AP3B1: variants seen among roughly 807,000 people sequenced by gnomAD.
AP3B1 encodes adaptor related protein complex 3 subunit beta 1.
Under a neutral mutation model 132.5 loss-of-function variants are expected in AP3B1, and 61 were observed. The observed-to-expected ratio is 0.46, with a 90% confidence interval of 0.37 to 0.57. AP3B1 has a LOEUF of 0.57. Among genes scored for constraint, AP3B1 ranks in the 20% least tolerant of loss-of-function variants. The pLI, the probability that AP3B1 is intolerant of heterozygous loss-of-function variation, is 0.00. For synonymous variants in AP3B1, 388 were observed against 438.3 expected, an observed-to-expected ratio of 0.89 and a Z score of 1.43; for missense variants, 1,120 against 1,289.4, an observed-to-expected ratio of 0.87 and a Z score of 2.01.
chr5:78,135,760 C>T (rs1752885289), intron 15 of AP3B1, among the ~76,000 whole-genome samples: 1 of 152,006 alleles, frequency 6.6e-6, no homozygotes, highest in Non-Finnish European at 1.5e-5. Context: ...TCAAAAGCAT[C>T]TTTTATTCAT....
intron 22 of AP3B1, among the ~76,000 whole-genome samples, chr5:78,063,636 T>C (rs1028708572): frequency 6.6e-6 from 1 of 152,228 alleles, no homozygotes; most frequent in East Asian, 1.9e-4. Flanking sequence ...AAATAGTATA[T>C]GGCCTCAATC....
intron 11 of AP3B1, among the ~76,000 whole-genome samples, chr5:78,166,137 A>T (rs1338291467): frequency 5.1e-4 from 72 of 142,020 alleles, no homozygotes; most frequent in African/African-American, 1.8e-3. Flanking sequence ...ACACACACAC[A>T]CACACACACA....
chr5:78,053,714 C>T (rs1419638102), intron 22 of AP3B1, among the ~76,000 whole-genome samples: 1 of 146,626 alleles, frequency 6.8e-6, no homozygotes, highest in African/African-American at 2.5e-5. Context: ...AAAGAAAAGT[C>T]CCCCTCAGGT....
chr5:78,192,336 C>A (rs1433088826), intron 7 of AP3B1, among the ~76,000 whole-genome samples: 2 of 151,848 alleles, frequency 1.3e-5, no homozygotes, highest in Admixed American at 6.6e-5. Flanking sequence ...TCTGCCCTCC[C>A]ACAAATTCAT....
intron 22 of AP3B1, among the ~76,000 whole-genome samples, chr5:78,062,402 AAAGT>A (rs1749097155): frequency 1.3e-5 from 2 of 152,234 alleles, no homozygotes; most frequent in Admixed American, 1.3e-4. Flanking sequence ...AGTAGCTCAA[AAAGT>A]AATTAAAATT....
At chr5:78,073,626 G>A (rs1191245977) in intron 22 of AP3B1, among the ~76,000 whole-genome samples, 2 of 151,780 alleles carry the variant, frequency 1.3e-5, no homozygotes, top group Admixed American at 6.6e-5. Flanking sequence ...TATTTTCACC[G>A]AAGATGACAA....
At chr5:78,111,568 G>C (rs1751592840) in intron 19 of AP3B1, among the ~76,000 whole-genome samples, 1 of 152,158 alleles carries the variant, frequency 6.6e-6, no homozygotes. Flanking sequence ...CCTGGAGAAA[G>C]AGACATATAA....
intron 20 of AP3B1, chr5:78,101,305 A>C (rs1751113161): frequency 4.4e-6 from 2 of 456,480 alleles, no homozygotes; most frequent in South Asian, 1.8e-5. Flanking sequence ...CAATCGGACA[A>C]CTTCTTGCTA....
At chr5:78,193,592 T>C (rs1412240015) in intron 7 of AP3B1, among the ~76,000 whole-genome samples, 2 of 150,400 alleles carry the variant, frequency 1.3e-5, no homozygotes, top group Non-Finnish European at 3.0e-5. Context: ...TGAAAGTTTT[T>C]AGAAATATTC....
chr5:78,109,818 T>C (rs575497758), intron 20 of AP3B1, among the ~76,000 whole-genome samples: 1 of 152,310 alleles, frequency 6.6e-6, no homozygotes, highest in South Asian at 2.1e-4. Context: ...ATGTATACTC[T>C]TTAATTGAAG....
intron 1 of AP3B1, among the ~76,000 whole-genome samples, chr5:78,271,965 T>C (rs1748563660): frequency 6.6e-6 from 1 of 152,198 alleles, no homozygotes; most frequent in Non-Finnish European, 1.5e-5. Context: ...CCTTCCAGGC[T>C]CTAACAATTC....
chr5:78,226,438 C>T (rs1746402703), intron 5 of AP3B1, among the ~76,000 whole-genome samples: 1 of 151,996 alleles, frequency 6.6e-6, no homozygotes, highest in East Asian at 1.9e-4. Flanking sequence ...ACTACCAATC[C>T]CATCTCATTA....
chr5:78,014,998 G>T (rs956138662), intron 26 of AP3B1, among the ~76,000 whole-genome samples: 10 of 152,086 alleles, frequency 6.6e-5, no homozygotes, highest in Non-Finnish European at 1.0e-4. Flanking sequence ...GCTATCAAAA[G>T]GAAATCTGTA....
chr5:78,248,479 C>CGAGA (rs1455634645), intron 2 of AP3B1, among the ~76,000 whole-genome samples: 1 of 112,390 alleles, frequency 8.9e-6, no homozygotes, highest in Non-Finnish European at 1.7e-5. Flanking sequence ...GGCAACAGAG[C>CGAGA]GAGACTCTGT....
intron 20 of AP3B1, among the ~76,000 whole-genome samples, chr5:78,104,876 C>T (rs1224949280): frequency 2.0e-5 from 3 of 152,098 alleles, no homozygotes; most frequent in Non-Finnish European, 2.9e-5. Context: ...TTTTGAGACA[C>T]AAATATAACC....
At chr5:78,105,754 T>C (rs1255476970) in intron 20 of AP3B1, among the ~76,000 whole-genome samples, 1 of 152,194 alleles carries the variant, frequency 6.6e-6, no homozygotes, top group Non-Finnish European at 1.5e-5. Context: ...AACATAATTA[T>C]AACTAAAACA....
intron 21 of AP3B1, among the ~76,000 whole-genome samples, chr5:78,094,149 G>A (rs252749): frequency 0.28 from 41,934 of 152,058 alleles, 6,401 homozygotes; most frequent in African/African-American, 0.39. Flanking sequence ...TCACTGATTT[G>A]TGATCGTCCT....
At chr5:78,043,649 C>A in intron 22 of AP3B1, 1 of 475,884 alleles carries the variant, frequency 2.1e-6, no homozygotes, top group South Asian at 1.7e-5. Flanking sequence ...ATGGTCAGCA[C>A]ATACAGTGAA....
At chr5:78,137,722 A>G (rs552144826) in intron 15 of AP3B1, among the ~76,000 whole-genome samples, 1 of 152,302 alleles carries the variant, frequency 6.6e-6, no homozygotes, top group South Asian at 2.1e-4. Flanking sequence ...GGGTCAGTCT[A>G]GGATATACTC....
Sources: allele counts gnomAD v4.1 joint callset (sites outside exome capture counted in the v4.1 genomes callset), GRCh38; gene constraint gnomAD v4.1.1; transcripts MANE v1.5; gene names NCBI Gene and HGNC (gene_info 2026-07-23, HGNC 2026-07-21).